The following APOOL variants were observed in gnomAD, a reference collection of about 807,000 sequenced individuals.
The protein encoded by APOOL is apolipoprotein O like, also known as MICOS complex subunit MIC27.
In APOOL, 12 loss-of-function variants were observed where a neutral mutation model predicts 23.1. The observed-to-expected ratio is 0.52, with a 90% CI of 0.33 to 0.84. The LOEUF (loss-of-function observed/expected upper bound fraction) is 0.84, where lower values mean the gene tolerates loss of function less well. Ranked by LOEUF, APOOL falls within the 40% of genes least tolerant of loss-of-function variation. APOOL has a pLI of 0.02. For synonymous variants in APOOL, 77 were observed against 69.9 expected (o/e 1.10, Z -0.51); for missense variants, 212 against 199.6 (o/e 1.06, Z -0.37).
chrX:85,088,305 T>G lies in APOOL; in HGVS notation c.*627T>G, dbSNP rs866728875. 1.4e-4 allele frequency: 11 copies of G among 79,179 alleles called. No homozygotes were observed. Among genetic ancestry groups the G allele is most frequent in the African/African-American group, 4.4e-4 (10 of 22,925 alleles). 6.5% of individuals were successfully genotyped at this position (79,179 alleles called of 1,213,427 possible). A position where few individuals can be genotyped will look rare whatever the true frequency, so the allele number is the denominator to read the frequency against. On this transcript the variant is annotated 3_prime_UTR_variant, in exon 9 of 9. Coordinates refer to ENST00000373173, the MANE Select transcript of APOOL (RefSeq NM_198450.6). ...AATTAGAATGGTGTATGGAAAGGTG[T>G]GTTTCCCTCTGTTTTTTTTTTTTTT...
At chrX:85,076,653 G>A (rs1284961545) in intron 8 of APOOL, among the ~76,000 whole-genome samples, 4 of 110,399 alleles carry the variant, frequency 3.6e-5, no homozygotes, top group Non-Finnish European at 7.6e-5. Context: ...TTTTCATTGA[G>A]CATACTTAAA....
chrX:85,020,428 T>C (rs1343152683), intron 1 of APOOL, among the ~76,000 whole-genome samples: 2 of 111,411 alleles, frequency 1.8e-5, no homozygotes, highest in African/African-American at 3.3e-5. Context: ...GGACTTTGCC[T>C]TGGACACCAG....
intron 1 of APOOL, among the ~76,000 whole-genome samples, chrX:85,022,954 T>A (rs1279654761): frequency 9.0e-6 from 1 of 111,557 alleles, no homozygotes; most frequent in Non-Finnish European, 1.9e-5. Flanking sequence ...AATGAGTGAG[T>A]TTACACTCCA....
intron 8 of APOOL, among the ~76,000 whole-genome samples, chrX:85,077,431 A>G (rs1284421645): frequency 9.0e-6 from 1 of 110,714 alleles, no homozygotes; most frequent in Admixed American, 9.7e-5. Context: ...TGCAAAGGAC[A>G]TGAACTCATC....
intron 2 of APOOL, among the ~76,000 whole-genome samples, chrX:85,050,932 T>A (rs1922744704): frequency 1.8e-5 from 2 of 111,309 alleles, no homozygotes; most frequent in Non-Finnish European, 3.8e-5. Context: ...ATGTTTTTTT[T>A]AAGTAACCTT....
Position 85,093,291 on chromosome X carries a change from AAAAT to A in APOOL, c.*5620_*5623del. On this transcript the variant is annotated 3_prime_UTR_variant, in exon 9 of 9. Transcript: ENST00000373173. ...CTTAACTTGTTATTTGCTTTAGTTTAAAATAAATAATATCTAAAACTCTGTATCT... is the reference window on the plus strand; with the variant it reads ...CTTAACTTGTTATTTGCTTTAGTTTAAAATAATATCTAAAACTCTGTATCT... 9.9e-7 allele frequency: 1 copy of A among 1,006,825 alleles called. No homozygotes were observed. The highest frequency in any genetic ancestry group is 1.4e-6 in the Non-Finnish European group (1 of 735,742). 83.0% of individuals were successfully genotyped at this position (1,006,825 alleles called of 1,213,427 possible). A position where few individuals can be genotyped will look rare whatever the true frequency, so the allele number is the denominator to read the frequency against.
intron 8 of APOOL, among the ~76,000 whole-genome samples, chrX:85,076,979 G>A (rs1923858028): frequency 1.2e-5 from 1 of 86,864 alleles, no homozygotes; most frequent in Non-Finnish European, 2.1e-5. Context: ...TTTTTTAGGT[G>A]ATAAATTTGC....
chrX:85,008,579 C>T (rs1437673770), intron 1 of APOOL, among the ~76,000 whole-genome samples: 1 of 38,136 alleles, frequency 2.6e-5, no homozygotes, highest in Admixed American at 3.2e-4. Flanking sequence ...GTGTGTATAC[C>T]ACAGTTTCTT....
intron 8 of APOOL, among the ~76,000 whole-genome samples, chrX:85,083,247 G>GA (rs1924175965): frequency 9.0e-6 from 1 of 111,046 alleles, no homozygotes; most frequent in South Asian, 3.7e-4. Flanking sequence ...ACAGTCAAAA[G>GA]AAAAAATACA....
chrX:85,059,009 T>C (rs1186865020), intron 5 of APOOL, among the ~76,000 whole-genome samples: 1 of 102,182 alleles, frequency 9.8e-6, no homozygotes, highest in Non-Finnish European at 2.0e-5. Flanking sequence ...CTATATCTCC[T>C]AATGCTATCC....
intron 1 of APOOL, among the ~76,000 whole-genome samples, chrX:85,033,878 T>C (rs1922124677): frequency 8.9e-6 from 1 of 111,919 alleles, no homozygotes; most frequent in African/African-American, 3.2e-5. Context: ...GGTACTTTTA[T>C]TCTCTTTTTA....
chrX:85,030,026 G>T (rs1023200140), intron 1 of APOOL, among the ~76,000 whole-genome samples: 6 of 112,058 alleles, frequency 5.4e-5, no homozygotes, highest in African/African-American at 1.9e-4. Flanking sequence ...CAAAGGAGAA[G>T]AAGTCATGAT....
chrX:85,071,955 A>T (rs755703847), intron 6 of APOOL, among the ~76,000 whole-genome samples: 5 of 111,297 alleles, frequency 4.5e-5, no homozygotes, highest in Non-Finnish European at 9.4e-5. Flanking sequence ...TTAGCCGGGC[A>T]TGGTGGCGTG....
rs1358594784 is a variant in APOOL, at chrX:85,060,275, C to G, written c.394+4350C>G. On this transcript the variant is annotated intron_variant, in intron 5 of 8. Coordinates refer to ENST00000373173, the MANE Select transcript of APOOL (RefSeq NM_198450.6). ...TACCAGTACCATGCTGTTTTGGTTA[C>G]TGTAGCCTTGTAGTATAGTTTGAAG... 5.6e-3 allele frequency among the ~76,000 whole-genome samples: 583 copies of G among 105,008 alleles called. 4 individuals are homozygous for G. The highest frequency in any genetic ancestry group is 0.019 in the African/African-American group (543 of 28,554). The allele number at this position is 105,008 out of a possible 115,157, so 91.2% of individuals were successfully genotyped here.
chrX:85,087,044 A>G (rs761126145), intron 8 of APOOL, among the ~76,000 whole-genome samples: 1 of 110,798 alleles, frequency 9.0e-6, no homozygotes, highest in East Asian at 2.9e-4. Context: ...CTCTACTCAA[A>G]ATTGTCCAGT....
chrX:85,067,161 A>G lies in APOOL; in HGVS notation c.429A>G (p.Gly143=), dbSNP rs748426327. The G allele has an allele frequency of 1.5e-5, 17 of 1,159,839 alleles. No individual in the cohort carries two copies. In the East Asian group the frequency reaches 4.9e-4, roughly 33 times the overall value. ...SKFKKITYPL[G]LATLGATVCY... ...TTAAGAAAATTACTTATCCTCTGGG[A>G]CTGGCCACTTTAGGAGCAACTGTTT... is the stretch of plus-strand genomic sequence containing the variant. The change falls in exon 6 of 9, where the codon GGA becomes GGG. Residue 143 remains glycine (G), a synonymous_variant. Transcript: ENST00000373173.
At chrX:85,058,931 G>A (rs1262575218) in intron 5 of APOOL, among the ~76,000 whole-genome samples, 1 of 109,349 alleles carries the variant, frequency 9.1e-6, no homozygotes, top group Non-Finnish European at 1.9e-5. Flanking sequence ...CAACGTGCAG[G>A]TTTGTTACAT....
chrX:85,072,777 CA>C (rs1272612991), intron 6 of APOOL, among the ~76,000 whole-genome samples: 1 of 111,590 alleles, frequency 9.0e-6, no homozygotes, highest in East Asian at 2.8e-4. Context: ...TTAAAAAAAT[CA>C]TATCTCAGAA....
chrX:85,054,765 G>C (rs1468146186), intron 4 of APOOL, among the ~76,000 whole-genome samples: 1 of 111,082 alleles, frequency 9.0e-6, no homozygotes, highest in East Asian at 2.8e-4. Context: ...GTAGTGCCAG[G>C]ATACAAACTG....
Sources: gnomAD v4.1 joint callset for allele counts (sites outside exome capture counted in the v4.1 genomes callset) on GRCh38, gnomAD v4.1.1 for gene constraint, MANE v1.5 for transcripts, NCBI Gene and HGNC (gene_info 2026-07-23, HGNC 2026-07-21) for gene names.